IRS1: variants seen among roughly 807,000 people sequenced by gnomAD.
IRS1 encodes insulin receptor substrate 1.
IRS1 carries 34 observed loss-of-function variants against 65.6 expected under a neutral mutation model. The ratio of observed to expected loss-of-function variants is 0.52; its 90% confidence interval spans 0.39 to 0.69. The LOEUF (loss-of-function observed/expected upper bound fraction) is 0.69, where lower values mean the gene tolerates loss of function less well. IRS1 is among the 30% of genes least tolerant of loss of function. The pLI is 0.00. For synonymous variants in IRS1, 699 were observed against 683.5 expected, an observed-to-expected ratio of 1.02 and a Z score of -0.35; for missense variants, 1,641 against 1,720.2, an observed-to-expected ratio of 0.95 and a Z score of 0.81.
chr2:226,786,655 AAACAAC>A (rs1005844273), intron 1 of IRS1, among the ~76,000 whole-genome samples: 8 of 151,164 alleles, frequency 5.3e-5, no homozygotes, highest in East Asian at 3.9e-4. Context: ...AAAAAAACAA[AAACAAC>A]AACAACAAAA....
At chr2:226,768,719 C>T (rs950116974) in intron 1 of IRS1, among the ~76,000 whole-genome samples, 5 of 152,126 alleles carry the variant, frequency 3.3e-5, no homozygotes, top group African/African-American at 7.2e-5. Flanking sequence ...TCGCTGCAAC[C>T]CCCACCTCCT....
rs760830492 is a variant in IRS1, at chr2:226,797,158, C to A, written c.1581G>T (p.Ser527=). The A allele has an allele frequency of 2.5e-6, 4 of 1,613,934 alleles. No homozygotes were observed. The Admixed American group carries it at 5.0e-5, about 20-fold the overall frequency. The part of the protein sequence containing the change: ...LDNRFRKRTH[S]AGTSPTITHQ... Reference sequence around the variant, plus strand: ...GGGTAATGGTAGGGGATGTGCCTGCCGAGTGAGTTCTCTTTCGGAACCGAT... The same window carrying A: ...GGGTAATGGTAGGGGATGTGCCTGCAGAGTGAGTTCTCTTTCGGAACCGAT... The change falls in exon 1 of 2, where the codon TCG becomes TCT. Residue 527 remains serine (S), a synonymous_variant. Coordinates refer to ENST00000305123, the MANE Select transcript of IRS1 (RefSeq NM_005544.3). The surrounding 1 kb of genome is among the most constrained non-coding windows in gnomAD (Gnocchi z 8.1).
intron 1 of IRS1, among the ~76,000 whole-genome samples, chr2:226,767,854 G>A (rs917801660): frequency 1.1e-4 from 16 of 152,162 alleles, no homozygotes; most frequent in Non-Finnish European, 1.5e-4. Flanking sequence ...GGAGTAACAC[G>A]TCACACAGAA....
chr2:226,755,673 C>T (rs1385976027), intron 1 of IRS1, among the ~76,000 whole-genome samples: 1 of 152,224 alleles, frequency 6.6e-6, no homozygotes, highest in Non-Finnish European at 1.5e-5. Context: ...TTCTTCATCC[C>T]ATCCTTCCCC....
At chr2:226,765,422 T>C (rs1939013034) in intron 1 of IRS1, among the ~76,000 whole-genome samples, 2 of 152,214 alleles carry the variant, frequency 1.3e-5, no homozygotes, top group African/African-American at 4.8e-5. Flanking sequence ...AAGGGTACTC[T>C]GTGCATCCTA....
chr2:226,776,499 C>T (rs1939276915), intron 1 of IRS1, among the ~76,000 whole-genome samples: 1 of 152,126 alleles, frequency 6.6e-6, no homozygotes. Context: ...ACAAACACTC[C>T]TTCAGCCAAG....
At chr2:226,779,318 T>C (rs1939336139) in intron 1 of IRS1, among the ~76,000 whole-genome samples, 1 of 152,244 alleles carries the variant, frequency 6.6e-6, no homozygotes, top group Non-Finnish European at 1.5e-5. Flanking sequence ...TAGGATATGA[T>C]TCTGGTCTAC....
At chr2:226,747,595 A>G (rs1574642253) in intron 1 of IRS1, among the ~76,000 whole-genome samples, 2 of 152,124 alleles carry the variant, frequency 1.3e-5, no homozygotes, top group African/African-American at 2.4e-5. Flanking sequence ...TAACAGCCCA[A>G]ACTAAGACAG....
At chr2:226,744,840 A>G (rs887171710) in intron 1 of IRS1, among the ~76,000 whole-genome samples, 6 of 152,218 alleles carry the variant, frequency 3.9e-5, no homozygotes, top group African/African-American at 1.4e-4. Flanking sequence ...CAGAAGCAAA[A>G]AAGGTTTAGC....
intron 1 of IRS1, among the ~76,000 whole-genome samples, chr2:226,766,151 A>ATTT (rs1357950302): frequency 4.6e-3 from 19 of 4,100 alleles, no homozygotes; most frequent in Non-Finnish European, 0.011. Flanking sequence ...ATATATATAT[A>ATTT]TATATATATA....
chr2:226,761,875 G>C (rs1006725068), intron 1 of IRS1, among the ~76,000 whole-genome samples: 1 of 152,218 alleles, frequency 6.6e-6, no homozygotes, highest in African/African-American at 2.4e-5. Context: ...GAGGTTGCCA[G>C]GTGGCATTAT....
intron 1 of IRS1, among the ~76,000 whole-genome samples, chr2:226,773,255 T>C (rs1291220670): frequency 1.3e-5 from 2 of 152,210 alleles, no homozygotes; most frequent in Non-Finnish European, 2.9e-5. Flanking sequence ...AAACAACTTT[T>C]TTGCAAAGAT....
intron 1 of IRS1, among the ~76,000 whole-genome samples, chr2:226,766,141 ATATATATATATATATATATATATTTTT>A (rs1469477117): frequency 1.2e-3 from 4 of 3,356 alleles, no homozygotes; most frequent in Admixed American, 5.0e-3. Flanking sequence ...ATATATATAT[ATATATATATATATATATATATATTTTT>A]TTTTTTTTTT....
rs1399888312 is a variant in IRS1, at chr2:226,735,184, A to C, written c.*1088T>G. 6.6e-6 allele frequency: 1 copy of C among 152,214 alleles called. No homozygotes were observed. The highest frequency in any genetic ancestry group is 1.5e-5 in the Non-Finnish European group (1 of 68,044). 9.4% of individuals were successfully genotyped at this position (152,214 alleles called of 1,614,324 possible). A position where few individuals can be genotyped will look rare whatever the true frequency, so the allele number is the denominator to read the frequency against. ...CAGAAAAAAATGGTGGGAATAGAGCAGGAAACTTACAGAAGTGGTGGGGGG... is the reference window on the plus strand; with the variant it reads ...CAGAAAAAAATGGTGGGAATAGAGCCGGAAACTTACAGAAGTGGTGGGGGG... On this transcript the variant is annotated 3_prime_UTR_variant, in exon 2 of 2. Transcript: ENST00000305123.
At chr2:226,769,566 C>T (rs886765439) in intron 1 of IRS1, among the ~76,000 whole-genome samples, 13 of 152,176 alleles carry the variant, frequency 8.5e-5, no homozygotes, top group African/African-American at 3.1e-4. Context: ...TTTTAGGTTT[C>T]CGACGCGTTT....
chr2:226,756,703 C>T (rs1247070294), intron 1 of IRS1, among the ~76,000 whole-genome samples: 1 of 152,190 alleles, frequency 6.6e-6, no homozygotes, highest in Non-Finnish European at 1.5e-5. Context: ...GTGGCTCACG[C>T]CTGTAAGCCC....
Position 226,797,003 on chromosome 2 carries a change from G to A in IRS1, c.1736C>T (p.Thr579Ile). The change falls in exon 1 of 2, where the codon ACC becomes ATC. Residue 579 changes from threonine (T) to isoleucine (I), a missense_variant. Physicochemically the swap from Thr to Ile is moderately conservative, Grantham distance 89 (BLOSUM62 -1). This residue lies in a region of IRS1 where 1,324 missense variants were observed against 1,361.0 expected (regional missense o/e 0.97). Coordinates refer to ENST00000305123, the MANE Select transcript of IRS1 (RefSeq NM_005544.3). This position sits in a 1 kb window ranked among gnomAD's most constrained non-coding sequence, Gnocchi z 8.1. The stretch of plus-strand genomic sequence containing the variant: ...CAGACCCTCCTCTGGGTAGGAGCGG[G>A]TGGGCACGAAGGCGGAGTGCCTGTG... ...PGHRHSAFVPTRSYPEEGLEM... is the reference protein window; with the variant it reads ...PGHRHSAFVPIRSYPEEGLEM... 1 of 1,600,298 alleles carries A rather than the reference G, an allele frequency of 6.2e-7. No individual in the cohort carries two copies. The highest frequency in any genetic ancestry group is 8.5e-7 in the Non-Finnish European group (1 of 1,171,230).
intron 1 of IRS1, among the ~76,000 whole-genome samples, chr2:226,775,132 C>T (rs146097744): frequency 6.6e-6 from 1 of 152,114 alleles, no homozygotes; most frequent in Non-Finnish European, 1.5e-5. Context: ...GGATGGAATG[C>T]AGAATGTGAC....
rs930654840 is a variant in IRS1 at position 226,784,211 on chromosome 2, C to A, written c.*21+10778G>T. ...CATATTGAAAGCTAAATGATATATA[C>A]ACCTGAGAAACTAGATAGCTTCATA... is the stretch of plus-strand genomic sequence containing the variant. On this transcript the variant is annotated intron_variant, in intron 1 of 1. Coordinates refer to ENST00000305123, the MANE Select transcript of IRS1 (RefSeq NM_005544.3). Among the ~76,000 whole-genome samples, 5 of 152,210 alleles carry A rather than the reference C, an allele frequency of 3.3e-5. No individual in the cohort carries two copies. In the East Asian group the frequency reaches 9.7e-4, roughly 29 times the overall value.
Sources: gnomAD v4.1 joint callset for allele counts (sites outside exome capture counted in the v4.1 genomes callset) on GRCh38, gnomAD v4.1.1 for gene constraint, gnomAD v4.1.1 regional missense constraint, Gnocchi (gnomAD v3.1) non-coding constraint, MANE v1.5 for transcripts, NCBI Gene and HGNC (gene_info 2026-07-23, HGNC 2026-07-21) for gene names.